The following OSBPL8 variants were observed in gnomAD, a reference collection of about 807,000 sequenced individuals.
OSBPL8 encodes oxysterol binding protein like 8, also known as oxysterol-binding protein-related protein 8.
OSBPL8 carries 59 observed loss-of-function variants against 125.5 expected under a neutral mutation model. The ratio of observed to expected loss-of-function variants is 0.47; its 90% CI spans 0.38 to 0.58. The LOEUF (loss-of-function observed/expected upper bound fraction) is 0.58, where lower values mean the gene tolerates loss of function less well. Among genes scored for constraint, OSBPL8 ranks in the 20% least tolerant of loss-of-function variants. The probability of loss-of-function intolerance (pLI) is 0.00; values close to 1 mark genes in which losing one functional copy is unlikely to be tolerated. For missense variants in OSBPL8, 758 were observed against 1,047.8 expected (o/e 0.72, Z 3.82); for synonymous variants, 330 against 338.9 (o/e 0.97, Z 0.29).
intron 1 of OSBPL8, among the ~76,000 whole-genome samples, chr12:76,491,877 A>C (rs1878752955): frequency 6.6e-6 from 1 of 152,178 alleles, no homozygotes; most frequent in African/African-American, 2.4e-5. Flanking sequence ...AAAATAACAA[A>C]ATATCATAAG....
At chr12:76,374,914 G>T (rs1952752885) in intron 17 of OSBPL8, among the ~76,000 whole-genome samples, 1 of 152,146 alleles carries the variant, frequency 6.6e-6, no homozygotes, top group African/African-American at 2.4e-5. Flanking sequence ...CAGCTAGACT[G>T]CAAGATGACA....
At chr12:76,368,826 T>C (rs1388572735) in intron 21 of OSBPL8, among the ~76,000 whole-genome samples, 1 of 152,182 alleles carries the variant, frequency 6.6e-6, no homozygotes, top group Non-Finnish European at 1.5e-5. Flanking sequence ...AGGACAGACA[T>C]ACACAATTGT....
chr12:76,523,244 A>G (rs942998992), intron 1 of OSBPL8, among the ~76,000 whole-genome samples: 13 of 152,198 alleles, frequency 8.5e-5, no homozygotes, highest in Admixed American at 3.3e-4. Context: ...TTTTTAGAGG[A>G]AAACAAAATT....
At chr12:76,545,273 T>A (rs905333671) in intron 1 of OSBPL8, among the ~76,000 whole-genome samples, 3 of 152,218 alleles carry the variant, frequency 2.0e-5, no homozygotes, top group Admixed American at 1.3e-4. Context: ...AAGTTACAGC[T>A]AAAACTACCC....
At chr12:76,410,454 G>C in intron 5 of OSBPL8, 110 bp downstream of exon 5, 1 of 751,406 alleles carries the variant, frequency 1.3e-6, no homozygotes. Flanking sequence ...TGGTTCAGAT[G>C]TATCAACATA....
chr12:76,482,313 G>T (rs926925148), intron 2 of OSBPL8, among the ~76,000 whole-genome samples: 1 of 152,038 alleles, frequency 6.6e-6, no homozygotes, highest in Non-Finnish European at 1.5e-5. Context: ...ATAATACTTC[G>T]GAAATACTTC....
At chr12:76,437,141 T>G (rs754849438) in intron 4 of OSBPL8, among the ~76,000 whole-genome samples, 22 of 152,212 alleles carry the variant, frequency 1.4e-4, no homozygotes, top group Non-Finnish European at 2.4e-4. Flanking sequence ...TGCTGGTACA[T>G]GCGTGAGAGT....
Position 76,353,719 on chromosome 12 carries a change from A to G in OSBPL8, c.*2170T>C, listed in dbSNP as rs1328947541. On this transcript the variant is annotated 3_prime_UTR_variant, in exon 24 of 24. Transcript: ENST00000261183. ...ATAGAAAGAGACTCATACAACTAAA[A>G]GCATAATAAGAGGACTATTAGATTA... The G allele has an allele frequency of 6.6e-6, 1 of 152,440 alleles. No individual in the cohort carries two copies. Among genetic ancestry groups the G allele is most frequent in the African/African-American group, 2.4e-5 (1 of 41,466 alleles). The allele number at this position is 152,440 out of a possible 1,614,324, so 9.4% of individuals were successfully genotyped here. A position where few individuals can be genotyped will look rare whatever the true frequency, so the allele number is the denominator to read the frequency against.
rs901943732 is a variant in OSBPL8 at position 76,450,876 on chromosome 12, A to G, written c.192T>C (p.Leu64=). Residue 64 remains leucine, a synonymous_variant, in exon 4 of 24, where the codon CTT becomes CTC. Coordinates refer to ENST00000261183, the MANE Select transcript of OSBPL8 (RefSeq NM_020841.5). ...TPTKDLHQPS[L]SPASPHSQGF... ...CCTGGCTATGAGGACTTGCTGGACTAAGAGATGGCTGATGCAAATCTTTGG... is the reference window on the plus strand; with the variant it reads ...CCTGGCTATGAGGACTTGCTGGACTGAGAGATGGCTGATGCAAATCTTTGG... 1.2e-6 allele frequency: 2 copies of G among 1,613,220 alleles called. No homozygotes were observed. The highest frequency in any genetic ancestry group is 1.3e-5 in the African/African-American group (1 of 74,892).
chr12:76,484,289 T>C (rs1162041997), intron 2 of OSBPL8, among the ~76,000 whole-genome samples: 3 of 152,196 alleles, frequency 2.0e-5, no homozygotes, highest in Non-Finnish European at 4.4e-5. Flanking sequence ...CCTTGCTCAT[T>C]TTCAATCCTA....
chr12:76,488,850 C>A (rs1878428752), intron 1 of OSBPL8, among the ~76,000 whole-genome samples: 1 of 152,128 alleles, frequency 6.6e-6, no homozygotes, highest in African/African-American at 2.4e-5. Flanking sequence ...CACTTTAAAT[C>A]AAAAGCTAAA....
At chr12:76,456,331 G>T (rs974486772) in intron 3 of OSBPL8, among the ~76,000 whole-genome samples, 2 of 152,108 alleles carry the variant, frequency 1.3e-5, no homozygotes, top group African/African-American at 4.8e-5. Context: ...CAAGTACCAA[G>T]AAATTACAGC....
chr12:76,456,738 A>G (rs1014849408), intron 3 of OSBPL8, among the ~76,000 whole-genome samples: 1 of 152,200 alleles, frequency 6.6e-6, no homozygotes, highest in Non-Finnish European at 1.5e-5. Context: ...TGTATTACAT[A>G]TTGTATTATG....
intron 6 of OSBPL8, among the ~76,000 whole-genome samples, chr12:76,400,601 C>A (rs187893945): frequency 6.6e-6 from 1 of 152,014 alleles, no homozygotes; most frequent in East Asian, 1.9e-4. Flanking sequence ...ATCTAGTATT[C>A]TAAAGAGGTT....
At chr12:76,526,252 C>G (rs1049539014) in intron 1 of OSBPL8, among the ~76,000 whole-genome samples, 1 of 152,116 alleles carries the variant, frequency 6.6e-6, no homozygotes, top group Non-Finnish European at 1.5e-5. Flanking sequence ...AAAAAAGTTT[C>G]CATTAATAGA....
At chr12:76,384,404 A>T in intron 14 of OSBPL8, 54 bp from the exon 15 acceptor site, 3 of 988,920 alleles carry the variant, frequency 3.0e-6, no homozygotes, top group Non-Finnish European at 4.3e-6. Flanking sequence ...ATGTTTATAT[A>T]AAATATAAAA....
rs940267240 is a variant in OSBPL8 at position 76,469,006 on chromosome 12, T to C, written c.43-9111A>G. ...AGACAACTCAGGTCTAGCACAATCT[T>C]ACCTTTCCCTAGCTCACCTAACACT... On this transcript the variant is annotated intron_variant, in intron 2 of 23. Coordinates refer to ENST00000261183, the MANE Select transcript of OSBPL8 (RefSeq NM_020841.5). Among the ~76,000 whole-genome samples the C allele has an allele frequency of 5.3e-5, 8 of 152,308 alleles. No homozygotes were observed. The South Asian group carries it at 1.7e-3, about 32-fold the overall frequency.
chr12:76,452,569 A>G (rs569897336), intron 3 of OSBPL8, among the ~76,000 whole-genome samples: 1 of 152,250 alleles, frequency 6.6e-6, no homozygotes, highest in Non-Finnish European at 1.5e-5. Context: ...TCAGGCCAAA[A>G]CCTTAGATGT....
chr12:76,457,208 G>A (rs896333425), intron 3 of OSBPL8, among the ~76,000 whole-genome samples: 61 of 152,126 alleles, frequency 4.0e-4, no homozygotes, highest in Admixed American at 1.1e-3. Flanking sequence ...AACAGGAAGT[G>A]GTTAGAAAAT....
Sources: allele counts gnomAD v4.1 joint callset (sites outside exome capture counted in the v4.1 genomes callset), GRCh38; gene constraint gnomAD v4.1.1; transcripts MANE v1.5; gene names NCBI Gene and HGNC (gene_info 2026-07-23, HGNC 2026-07-21).